Variants in MGAM observed in about 807,000 individuals in gnomAD.
The protein encoded by MGAM is alpha-1,4-glucosidase.
A neutral mutation model predicts 358.8 loss-of-function variants in MGAM; 253 were observed. The observed-to-expected ratio is 0.71, with a 90% CI of 0.64 to 0.78. The LOEUF (loss-of-function observed/expected upper bound fraction) is 0.78. MGAM is among the 30% of genes least tolerant of loss of function. The probability of loss-of-function intolerance (pLI) is 0.00; values close to 1 mark genes in which losing one functional copy is unlikely to be tolerated. For missense variants in MGAM, 3,080 were observed against 3,432.6 expected (o/e 0.90, Z 2.57); for synonymous variants, 1,105 against 1,227.1 (o/e 0.90, Z 2.08).
chr7:142,100,935 A>T (rs10234045), intron 68 of MGAM, 45 bp downstream of exon 68: 28,120 of 1,536,234 alleles, frequency 0.018, 1,759 homozygotes, highest in Admixed American at 0.17. Flanking sequence ...CACTGACTAC[A>T]TTCCTGGATT....
At chr7:142,080,147 A>T (rs574770499) in intron 49 of MGAM, among the ~76,000 whole-genome samples, 3 of 146,882 alleles carry the variant, frequency 2.0e-5, no homozygotes, top group African/African-American at 7.3e-5. Flanking sequence ...AGACCATCTC[A>T]GTCTCCCAGA....
chr7:142,008,736 G>T, intron 3 of MGAM, 31 bp downstream of exon 3: 1 of 1,597,794 alleles, frequency 6.3e-7, no homozygotes, highest in Non-Finnish European at 8.5e-7. Context: ...TTCCATTTTA[G>T]AATTTATGCA....
chr7:142,008,815 T>G, intron 3 of MGAM, 110 bp downstream of exon 3: 1 of 1,204,502 alleles, frequency 8.3e-7, no homozygotes, highest in South Asian at 1.6e-5. Context: ...AAGAGAGGTG[T>G]TTATGTTGCA....
At chr7:142,022,879 T>G (rs1279048778) in intron 7 of MGAM, among the ~76,000 whole-genome samples, 1 of 152,202 alleles carries the variant, frequency 6.6e-6, no homozygotes. Flanking sequence ...CACAATAGGA[T>G]AAAGTCTCAG....
chr7:142,032,628 G>A (rs542539426), intron 13 of MGAM, among the ~76,000 whole-genome samples, 197 bp from the exon 14 acceptor site: 1 of 152,126 alleles, frequency 6.6e-6, no homozygotes, highest in East Asian at 1.9e-4. Flanking sequence ...CATATTATTT[G>A]AAGAGAGGTT....
chr7:142,094,224 C>G (rs532751531), intron 60 of MGAM, 140 bp from the exon 61 acceptor site: 2 of 1,056,020 alleles, frequency 1.9e-6, no homozygotes, highest in South Asian at 1.5e-5. Context: ...CAGTGGAGCC[C>G]CCATTACAGC....
intron 22 of MGAM, among the ~76,000 whole-genome samples, chr7:142,048,477 G>A (rs73542758): frequency 0.11 from 16,218 of 151,824 alleles, 2,071 homozygotes; most frequent in African/African-American, 0.31. Flanking sequence ...GTCAATGGGT[G>A]CTTAGAAGAG....
chr7:142,026,995 G>T, intron 8 of MGAM, 120 bp from the exon 9 acceptor site: 1 of 690,682 alleles, frequency 1.4e-6, no homozygotes, highest in East Asian at 2.6e-5. Flanking sequence ...CAAAATGTGA[G>T]GCACTAGGGT....
chr7:142,032,827 TATGA>T lies in MGAM; in HGVS notation c.1593_1596del (p.Asn531LysfsTer18). 1 of 1,606,936 alleles carries T rather than the reference TATGA, an allele frequency of 6.2e-7. No homozygotes were observed. On this transcript the variant is annotated frameshift_variant, in exon 14 of 71. Coordinates refer to ENST00000475668, the MANE Select transcript of MGAM (RefSeq NM_001365693.1). LOFTEE classifies it high-confidence loss of function. The stretch of plus-strand genomic sequence containing the variant: ...AGTTTTTGCTCTTTGTCTTGTAGGA[TATGA>T]ATGAAGTCTCCAACTTTGTTGATGG...
chr7:142,046,144 A>G (rs916176148), intron 21 of MGAM, among the ~76,000 whole-genome samples: 1 of 144,918 alleles, frequency 6.9e-6, no homozygotes, highest in African/African-American at 2.5e-5. Context: ...TATATATTAT[A>G]TATATATTTA....
At position 142,060,096 on chromosome 7, in the gene MGAM, A is replaced by G; in HGVS notation, c.4059+130A>G. The G allele has an allele frequency of 2.3e-6, 3 of 1,277,420 alleles. No homozygotes were observed. The South Asian group carries it at 4.3e-5, about 18-fold the overall frequency. The allele number at this position is 1,277,420 out of a possible 1,614,324, so 79.1% of individuals were successfully genotyped here. On this transcript the variant is annotated intron_variant, in intron 33 of 70. Transcript: ENST00000475668. ...TTTCTATTTGGGCTCTGAGGTCAGA[A>G]GCTCTCCTTTTCTCAATCAATATTT...
chr7:142,027,739 A>G lies in MGAM; in HGVS notation c.1221+4A>G. On this transcript the variant is annotated splice_donor_region_variant and intron_variant, in intron 10 of 70. Coordinates refer to ENST00000475668, the MANE Select transcript of MGAM (RefSeq NM_001365693.1). ...TCGCGCAGCACAGCTCCCTTATGTA[A>G]GCAAGGTTTTCAACAGTTCTCCAAA... The G allele has an allele frequency of 6.3e-7, 1 of 1,594,052 alleles. No homozygotes were observed. The highest frequency in any genetic ancestry group is 8.5e-7 in the Non-Finnish European group (1 of 1,170,282).
chr7:142,007,322 A>G (rs1554452756), intron 2 of MGAM, among the ~76,000 whole-genome samples: 2 of 152,040 alleles, frequency 1.3e-5, no homozygotes, highest in Non-Finnish European at 2.9e-5. Flanking sequence ...TATATCCTCA[A>G]AAGGAGCTGG....
At chr7:142,025,466 G>C (rs1806875323) in intron 8 of MGAM, among the ~76,000 whole-genome samples, 1 of 152,176 alleles carries the variant, frequency 6.6e-6, no homozygotes, top group South Asian at 2.1e-4. Context: ...GTTCTTCTCC[G>C]TCTTCAGCCC....
At chr7:142,102,908 T>C (rs946568417) in intron 69 of MGAM, among the ~76,000 whole-genome samples, 2 of 152,236 alleles carry the variant, frequency 1.3e-5, no homozygotes, top group Non-Finnish European at 2.9e-5. Context: ...TAGTTTACCA[T>C]GTTACAGGTG....
intron 8 of MGAM, among the ~76,000 whole-genome samples, chr7:142,025,372 G>T (rs782590403): frequency 6.6e-6 from 1 of 152,106 alleles, no homozygotes; most frequent in African/African-American, 2.4e-5. Flanking sequence ...TGAATCTGGT[G>T]GCCTCTGTTG....
At chr7:142,089,690 G>C (rs1471151599) in intron 57 of MGAM, among the ~76,000 whole-genome samples, 4 of 145,442 alleles carry the variant, frequency 2.8e-5, no homozygotes, top group Non-Finnish European at 6.2e-5. Flanking sequence ...AGGAGGCTGA[G>C]GTAGGAGAAT....
intron 10 of MGAM, among the ~76,000 whole-genome samples, chr7:142,029,203 C>CA (rs552825679): frequency 4.4e-4 from 67 of 151,822 alleles, no homozygotes; most frequent in Non-Finnish European, 7.8e-4. Flanking sequence ...ACAACAACAA[C>CA]AAAAAAATTA....
At chr7:142,027,325 C>T in intron 9 of MGAM, 98 bp downstream of exon 9, 1 of 986,312 alleles carries the variant, frequency 1.0e-6, no homozygotes, top group Admixed American at 2.1e-5. Context: ...ACAAAATCTG[C>T]TGTTACAAAT....
Sources: allele counts gnomAD v4.1 joint callset (sites outside exome capture counted in the v4.1 genomes callset), GRCh38; gene constraint gnomAD v4.1.1; transcripts MANE v1.5; gene names NCBI Gene and HGNC (gene_info 2026-07-23, HGNC 2026-07-21).